C2orf81: variants seen among roughly 807,000 people sequenced by gnomAD.
C2orf81 encodes uncharacterized protein C2orf81.
A neutral mutation model predicts 7.9 loss-of-function variants in C2orf81; 5 were observed. The ratio of observed to expected loss-of-function variants is 0.63; its 90% confidence interval spans 0.33 to 1.33. C2orf81 has a LOEUF of 1.33. C2orf81 is among the 40% of genes most tolerant of loss of function. The pLI, the probability that C2orf81 is intolerant of heterozygous loss-of-function variation, is 0.05. For synonymous variants in C2orf81, 346 were observed against 367.4 expected (o/e 0.94, Z 0.66); for missense variants, 781 against 830.4 (o/e 0.94, Z 0.73).
chr2:74,415,275 T>TA lies in C2orf81; in HGVS notation c.901_902insT (p.Glu301ValfsTer91), dbSNP rs1269136738. Reference sequence around the variant, plus strand: ...TTGAGGCATGCAACAGTAGAGGTCTTCCAACGACAAATGGAAGCCGAGGGG... The same window carrying TA: ...TTGAGGCATGCAACAGTAGAGGTCTTACCAACGACAAATGGAAGCCGAGGGG... On this transcript the variant is annotated frameshift_variant, in exon 3 of 3. Coordinates refer to ENST00000684111, the MANE Select transcript of C2orf81 (RefSeq NM_001316764.3). LOFTEE classifies it low-confidence loss of function (END_TRUNC). The surrounding 1 kb of genome is among the most constrained non-coding windows in gnomAD (Gnocchi z 5.5). 6.4e-7 allele frequency: 1 copy of TA among 1,551,456 alleles called. No individual in the cohort carries two copies. The highest frequency in any genetic ancestry group is 8.7e-7 in the Non-Finnish European group (1 of 1,146,938).
rs550198703 is a variant in C2orf81 at position 74,414,757 on chromosome 2, T to C, written c.1420A>G (p.Asn474Asp). 41 of 1,550,974 alleles carry C rather than the reference T, an allele frequency of 2.6e-5. No homozygotes were observed. The Admixed American group carries it at 6.1e-4, about 23-fold the overall frequency. The change falls in exon 3 of 3, where the codon AAC becomes GAC. Residue 474 changes from asparagine to aspartate, a missense_variant. Asn to Asp is a conservative substitution (Grantham distance 23, BLOSUM62 1). Transcript: ENST00000684111. The surrounding 1 kb of genome is among the most constrained non-coding windows in gnomAD (Gnocchi z 5.3). ...GTGGTGAGGAAGCGGATCCTGGAGT[T>C]TGGGAGTGGCAGCTTTGACTCGAGG... ...PSLESKLPLP[N>D]SRIRFLTTHP...
At chr2:74,419,214 TAGA>T (rs1558530329) in intron 1 of C2orf81, among the ~76,000 whole-genome samples, 1 of 150,110 alleles carries the variant, frequency 6.7e-6, no homozygotes, top group African/African-American at 2.5e-5. Context: ...AAATAAAAAA[TAGA>T]AGAAGAAAAA....
chr2:74,415,220 G>A lies in C2orf81; in HGVS notation c.957C>T (p.Leu319=), dbSNP rs1676416527. Residue 319 remains leucine, a synonymous_variant, in exon 3 of 3, where the codon CTC becomes CTT. Transcript: ENST00000684111. The surrounding 1 kb of genome is among the most constrained non-coding windows in gnomAD (Gnocchi z 5.5). ...QLDAAGDRLE[L]RSEGVPCIAS... is the part of the protein sequence containing the mutation. The stretch of plus-strand genomic sequence containing the variant: ...CGATGCAGGGCACCCCCTCTGACCT[G>A]AGTTCCAGCCGATCCCCAGCCGCGT... 1.9e-6 allele frequency: 3 copies of A among 1,551,128 alleles called. No homozygotes were observed. The highest frequency in any genetic ancestry group is 2.6e-6 in the Non-Finnish European group (3 of 1,146,926).
At chr2:74,416,565 C>CAAAAAAAAAAAAAAAAAA (rs59349435) in intron 1 of C2orf81, 7 of 52,178 alleles carry the variant, frequency 1.3e-4, no homozygotes, top group Non-Finnish European at 2.3e-4. Context: ...GACTGCGTCT[C>CAAAAAAAAAAAAAAAAAA]AAAAAAAAAA....
At position 74,415,857 on chromosome 2, in the gene C2orf81, C is replaced by A; in HGVS notation, c.320G>T (p.Arg107Leu). ...AGCTACTGCAGATTCTCCCTCGTCCCGGGCCAGGAAGCGCCACTCGGTGAT... is the reference window on the plus strand; with the variant it reads ...AGCTACTGCAGATTCTCCCTCGTCCAGGGCCAGGAAGCGCCACTCGGTGAT... Reference protein sequence around the residue: ...LQITEWRFLARDEGESAVAED... With the variant: ...LQITEWRFLALDEGESAVAED... Residue 107 changes from arginine to leucine, a missense_variant, in exon 3 of 3, where the codon CGG becomes CTG. By Grantham distance (102) the Arg-to-Leu change is moderately radical. Transcript: ENST00000684111. This position sits in a 1 kb window ranked among gnomAD's most constrained non-coding sequence, Gnocchi z 5.5. The A allele has an allele frequency of 6.4e-7, 1 of 1,551,510 alleles. No homozygotes were observed.
rs568553464 is a variant in C2orf81 at position 74,415,612 on chromosome 2, C to G, written c.565G>C (p.Gly189Arg). Residue 189 changes from glycine (G) to arginine (R), a missense_variant, in exon 3 of 3, where the codon GGG (glycine) becomes CGG (arginine). By Grantham distance (125) the Gly-to-Arg change is moderately radical. Transcript: ENST00000684111. This position sits in a 1 kb window ranked among gnomAD's most constrained non-coding sequence, Gnocchi z 5.5. ...CCTAAAGGGATCCGGTCCACGCCCC[C>G]AGGGTCCTGGGGAAATGCACTCGGG... ...HCPSAFPQDP[G>R]GVDRIPLGRS... is the part of the protein sequence containing the mutation. The G allele has an allele frequency of 1.3e-6, 2 of 1,551,160 alleles. No individual in the cohort carries two copies. The highest frequency in any genetic ancestry group is 1.7e-6 in the Non-Finnish European group (2 of 1,147,006).
chr2:74,415,715 T>G lies in C2orf81; in HGVS notation c.462A>C (p.Gln154His). 2 of 1,551,510 alleles carry G rather than the reference T, an allele frequency of 1.3e-6. 1 individual carries two copies. Residue 154 changes from glutamine to histidine, a missense_variant, in exon 3 of 3, where the codon CAA becomes CAC. Physicochemically the swap from Gln to His is conservative, Grantham distance 24 (BLOSUM62 0). Transcript: ENST00000684111. This position sits in a 1 kb window ranked among gnomAD's most constrained non-coding sequence, Gnocchi z 5.5. ...ASTSEGLENFQGEVHSSGASP... is the reference protein window; with the variant it reads ...ASTSEGLENFHGEVHSSGASP... ...AGGCTCCTGAGGAGTGTACTTCGCC[T>G]TGGAAGTTCTCCAGGCCCTCCGAGG...
chr2:74,414,554 TCTGCCAGGATCCTGGCC>T lies in C2orf81; in HGVS notation c.1606_1622del (p.Gly536MetfsTer10). On this transcript the variant is annotated frameshift_variant, in exon 3 of 3. Transcript: ENST00000684111. LOFTEE classifies it low-confidence loss of function (END_TRUNC). This position sits in a 1 kb window ranked among gnomAD's most constrained non-coding sequence, Gnocchi z 5.3. ...GGACCGGGGGTGTGGTTCGAGGCCATCTGCCAGGATCCTGGCCCTCCCTGTCTGCCAGCTCCAGACCC... is the reference window on the plus strand; with the variant it reads ...GGACCGGGGGTGTGGTTCGAGGCCATCTCCCTGTCTGCCAGCTCCAGACCC... 6.5e-7 allele frequency: 1 copy of T among 1,540,750 alleles called. No homozygotes were observed. The highest frequency in any genetic ancestry group is 1.7e-4 in the Middle Eastern group (1 of 5,948).
rs1439438922 is a variant in C2orf81 at position 74,415,807 on chromosome 2, C to T, written c.370G>A (p.Glu124Lys). The change falls in exon 3 of 3, where the codon GAG (glutamate) becomes AAG (lysine). Residue 124 changes from glutamate to lysine, a missense_variant. By Grantham distance (56) the Glu-to-Lys change is moderately conservative. Transcript: ENST00000684111. The surrounding 1 kb of genome is among the most constrained non-coding windows in gnomAD (Gnocchi z 5.5). ...VAEDPTWGED[E>K]EPSACTTDSW... ...TCCGTCGTGCATGCCGAAGGCTCCTCGTCCTCACCCCATGTGGGGTCCTCA... is the reference window on the plus strand; with the variant it reads ...TCCGTCGTGCATGCCGAAGGCTCCTTGTCCTCACCCCATGTGGGGTCCTCA... The T allele has an allele frequency of 6.4e-7, 1 of 1,551,648 alleles. No individual in the cohort carries two copies. Among genetic ancestry groups the T allele is most frequent in the East Asian group, 2.4e-5 (1 of 40,926 alleles).
In C2orf81 at chr2:74,415,734, T is replaced by A. The variant is rs1402284592; in HGVS notation, c.443A>T (p.Glu148Val). 7.1e-6 allele frequency: 11 copies of A among 1,551,470 alleles called. No homozygotes were observed. Among genetic ancestry groups the A allele is most frequent in the African/African-American group, 2.7e-5 (2 of 73,056 alleles). Residue 148 changes from glutamate to valine, a missense_variant, in exon 3 of 3, where the codon GAG (glutamate) becomes GTG (valine). Transcript: ENST00000684111. The surrounding 1 kb of genome is among the most constrained non-coding windows in gnomAD (Gnocchi z 5.5). Reference protein sequence around the residue: ...SVPVLHASTSEGLENFQGEVH... With the variant: ...SVPVLHASTSVGLENFQGEVH... ...TTCGCCTTGGAAGTTCTCCAGGCCCTCCGAGGTGGACGCGTGCAGCACGGG... is the reference window on the plus strand; with the variant it reads ...TTCGCCTTGGAAGTTCTCCAGGCCCACCGAGGTGGACGCGTGCAGCACGGG...
At position 74,414,900 on chromosome 2, in the gene C2orf81, C is replaced by A; in HGVS notation, c.1277G>T (p.Gly426Val). 6.5e-7 allele frequency: 1 copy of A among 1,544,868 alleles called. No homozygotes were observed. The highest frequency in any genetic ancestry group is 8.8e-7 in the Non-Finnish European group (1 of 1,142,820). ...GAACGCTGCCGGGGAGACACGGGTGCCGGGGCCGAGGGCTTGGGGTTCGGC... is the reference window on the plus strand; with the variant it reads ...GAACGCTGCCGGGGAGACACGGGTGACGGGGCCGAGGGCTTGGGGTTCGGC... ...ARAEPQALGP[G>V]TRVSPAAFFP... The change falls in exon 3 of 3, where the codon GGC becomes GTC. Residue 426 changes from glycine to valine, a missense_variant. Gly to Val is a moderately radical substitution (Grantham distance 109). Transcript: ENST00000684111. This position sits in a 1 kb window ranked among gnomAD's most constrained non-coding sequence, Gnocchi z 5.3.
chr2:74,414,931 C>T lies in C2orf81; in HGVS notation c.1246G>A (p.Ala416Thr), dbSNP rs1233432311. The stretch of plus-strand genomic sequence containing the variant: ...CCGAGGGCTTGGGGTTCGGCCCGGG[C>T]CTTGGTCTTCTCGCCCCGCTGGCGT... ...RGRQRGEKTK[A>T]RAEPQALGPG... The change falls in exon 3 of 3, where the codon GCC becomes ACC. Residue 416 changes from alanine (A) to threonine (T), a missense_variant. Coordinates refer to ENST00000684111, the MANE Select transcript of C2orf81 (RefSeq NM_001316764.3). The surrounding 1 kb of genome is among the most constrained non-coding windows in gnomAD (Gnocchi z 5.3). The T allele has an allele frequency of 1.3e-6, 2 of 1,545,480 alleles. No individual in the cohort carries two copies. The highest frequency in any genetic ancestry group is 1.7e-4 in the Middle Eastern group (1 of 5,966).
Position 74,415,900 on chromosome 2 carries a change from GGGCCT to G in C2orf81, c.272_276del (p.Gln91ProfsTer24). 1 of 1,549,330 alleles carries G rather than the reference GGGCCT, an allele frequency of 6.5e-7. No individual in the cohort carries two copies. On this transcript the variant is annotated frameshift_variant, in exon 3 of 3. Transcript: ENST00000684111. LOFTEE classifies it low-confidence loss of function (END_TRUNC). The surrounding 1 kb of genome is among the most constrained non-coding windows in gnomAD (Gnocchi z 5.5). ...TCGGTGATCTGCAGCATGGCCTCCC[GGGCCT>G]GGCTGATGGTGAATGGAATGCACTG... is the stretch of plus-strand genomic sequence containing the variant.
rs1676527079 is a variant in C2orf81 at position 74,418,547 on chromosome 2, G to C, written c.19-2306C>G. The C allele has an allele frequency of 6.4e-6, 5 of 784,536 alleles. No individual in the cohort carries two copies. In the South Asian group the frequency reaches 7.3e-5, roughly 12 times the overall value. The allele number at this position is 784,536 out of a possible 1,614,324, so 48.6% of individuals were successfully genotyped here. On this transcript the variant is annotated intron_variant, in intron 1 of 2. Transcript: ENST00000684111. ...GGTTTGCCGGGAGCAGCGGTGCTGG[G>C]CGCTGAGGACAGGCCAGTCTCCACC...
chr2:74,416,224 G>A lies in C2orf81; in HGVS notation c.36C>T (p.Val12=), dbSNP rs1186039913. 5.8e-6 allele frequency: 8 copies of A among 1,389,256 alleles called. No individual in the cohort carries two copies. Among genetic ancestry groups the A allele is most frequent in the Non-Finnish European group, 7.6e-6 (8 of 1,049,182 alleles). The allele number at this position is 1,389,256 out of a possible 1,614,324, so 86.1% of individuals were successfully genotyped here. ...AHEGSRQERQ[V]RDRGVTRSKA... is the part of the protein sequence containing the mutation. ...TGGACCGGGTCACCCCGCGGTCTCG[G>A]ACCTGCCTCTCCTGCCTCTGTGAGA... is the stretch of plus-strand genomic sequence containing the variant. Residue 12 remains valine (V), a synonymous_variant, in exon 2 of 3, where the codon GTC becomes GTT. Transcript: ENST00000684111.
In C2orf81 at chr2:74,415,193, G is replaced by A; in HGVS notation, c.984C>T (p.Ala328=). 2 of 1,548,922 alleles carry A rather than the reference G, an allele frequency of 1.3e-6. No homozygotes were observed. The highest frequency in any genetic ancestry group is 1.7e-6 in the Non-Finnish European group (2 of 1,146,010). The change falls in exon 3 of 3, where the codon GCC becomes GCT. Residue 328 remains alanine (A), a synonymous_variant. Coordinates refer to ENST00000684111, the MANE Select transcript of C2orf81 (RefSeq NM_001316764.3). This position sits in a 1 kb window ranked among gnomAD's most constrained non-coding sequence, Gnocchi z 5.5. ...ELRSEGVPCI[A]SGVLVSYPSV... The stretch of plus-strand genomic sequence containing the variant: ...AGGGGTAGGACACCAACACGCCCGA[G>A]GCGATGCAGGGCACCCCCTCTGACC...
chr2:74,417,693 C>T (rs538027071), intron 1 of C2orf81: 164 of 597,310 alleles, frequency 2.7e-4, no homozygotes, highest in South Asian at 1.4e-3. Flanking sequence ...GGGCTTGGGC[C>T]CCTTTTAAGA....
In C2orf81 at chr2:74,417,942, C is replaced by T. The variant is rs543602438; in HGVS notation, c.19-1701G>A. On this transcript the variant is annotated intron_variant, in intron 1 of 2. Transcript: ENST00000684111. Reference sequence around the variant, plus strand: ...GGGAAGAGGCCAGGGGAAAAGTCCTCTCCACTCAGCCCATAGGGACCTGCA... The same window carrying T: ...GGGAAGAGGCCAGGGGAAAAGTCCTTTCCACTCAGCCCATAGGGACCTGCA... Among the ~76,000 whole-genome samples, 9 of 151,966 alleles carry T rather than the reference C, an allele frequency of 5.9e-5. No homozygotes were observed. The East Asian group carries it at 1.5e-3, about 26-fold the overall frequency.
Position 74,415,676 on chromosome 2 carries a change from AGAG to A in C2orf81, c.498_500del (p.Ser167del), listed in dbSNP as rs771255434. ...GAAAGGGGAGAGCAGGAGCAATGGCAGAGGAGTCCGGAGAGGCTCCTGAGGAGT... is the reference window on the plus strand; with the variant it reads ...GAAAGGGGAGAGCAGGAGCAATGGCAGAGTCCGGAGAGGCTCCTGAGGAGT... On this transcript the variant is annotated inframe_deletion, in exon 3 of 3. Coordinates refer to ENST00000684111, the MANE Select transcript of C2orf81 (RefSeq NM_001316764.3). The surrounding 1 kb of genome is among the most constrained non-coding windows in gnomAD (Gnocchi z 5.5). 49 of 1,551,358 alleles carry A rather than the reference AGAG, an allele frequency of 3.2e-5. No homozygotes were observed. The African/African-American group carries it at 5.2e-4, about 16-fold the overall frequency.
Sources: gnomAD v4.1 joint callset for allele counts (sites outside exome capture counted in the v4.1 genomes callset) on GRCh38, gnomAD v4.1.1 for gene constraint, Gnocchi (gnomAD v3.1) non-coding constraint, MANE v1.5 for transcripts, NCBI Gene and HGNC (gene_info 2026-07-23, HGNC 2026-07-21) for gene names.